Variants in SCN4A observed in about 807,000 individuals in gnomAD.
SCN4A encodes the protein sodium channel protein type 4 subunit alpha.
A neutral mutation model predicts 162.0 loss-of-function variants in SCN4A; 83 were observed. The ratio of observed to expected loss-of-function variants is 0.51; its 90% confidence interval spans 0.43 to 0.61. The LOEUF is 0.61. SCN4A is among the 20% of genes least tolerant of loss of function. SCN4A has a pLI of 0.00. For synonymous variants in SCN4A, 944 were observed against 985.1 expected (o/e 0.96, Z 0.78); for missense variants, 2,196 against 2,462.5 (o/e 0.89, Z 2.29).
At chr17:63,966,055 A>AG in intron 8 of SCN4A, 47 bp downstream of exon 8, 1 of 1,244,244 alleles carries the variant, frequency 8.0e-7, no homozygotes, top group Middle Eastern at 2.3e-4. Flanking sequence ...GCAGGGATGG[A>AG]GGGGGAGTGG....
rs576168635 is a variant in SCN4A, at chr17:63,941,226, C to T, written c.5056G>A (p.Glu1686Lys). 6.2e-7 allele frequency: 1 copy of T among 1,613,884 alleles called. No homozygotes were observed. Among genetic ancestry groups the T allele is most frequent in the African/African-American group, 1.3e-5 (1 of 74,978 alleles). ...ATTTCCCCAGAGTCACCCAGGACCT[C>T]TTTGGTCAGGGCAAAGAGGATGTCC... The part of the protein sequence containing the change: ...CLDILFALTK[E>K]VLGDSGEMDA... The change falls in exon 24 of 24, where the codon GAG becomes AAG. Residue 1686 changes from glutamate to lysine, a missense_variant. Glu to Lys is a moderately conservative substitution (Grantham distance 56). Transcript: ENST00000435607. This position sits in a 1 kb window ranked among gnomAD's most constrained non-coding sequence, Gnocchi z 6.2.
intron 10 of SCN4A, 163 bp from the exon 11 acceptor site, chr17:63,961,594 C>G: frequency 1.6e-6 from 1 of 613,136 alleles, no homozygotes; most frequent in Non-Finnish European, 2.9e-6. Context: ...CTTGCGTCAC[C>G]CTTACTGTCA....
In SCN4A at chr17:63,971,263, G is replaced by T; in HGVS notation, c.612-10C>A. 1 of 1,469,014 alleles carries T rather than the reference G, an allele frequency of 6.8e-7. No homozygotes were observed. The highest frequency in any genetic ancestry group is 9.3e-7 in the Non-Finnish European group (1 of 1,072,214). 91.0% of individuals were successfully genotyped at this position (1,469,014 alleles called of 1,614,324 possible). A position where few individuals can be genotyped will look rare whatever the true frequency, so the allele number is the denominator to read the frequency against. ...AAACTCTGTCAGGTACCTGGGTAGG[G>T]GGTGGAGGGGGGTGGGGACTGTCAG... On this transcript the variant is annotated splice_polypyrimidine_tract_variant and intron_variant, in intron 4 of 23. Coordinates refer to ENST00000435607, the MANE Select transcript of SCN4A (RefSeq NM_000334.4).
intron 13 of SCN4A, among the ~76,000 whole-genome samples, chr17:63,955,504 A>T (rs1379813958): frequency 6.6e-6 from 1 of 152,168 alleles, no homozygotes; most frequent in Non-Finnish European, 1.5e-5. Context: ...CGTTTTCCAG[A>T]TGGGAAAACT....
chr17:63,942,327 G>A (rs965143279), intron 23 of SCN4A, among the ~76,000 whole-genome samples: 2 of 152,102 alleles, frequency 1.3e-5, no homozygotes, highest in Non-Finnish European at 2.9e-5. Flanking sequence ...CAGAGAGAGA[G>A]GGAGACAGAA....
chr17:63,949,495 A>G lies in SCN4A; in HGVS notation c.2887T>C (p.Ser963Pro), dbSNP rs1567819939. The change falls in exon 15 of 24, where the codon TCC (serine) becomes CCC (proline). Residue 963 changes from serine (S) to proline (P), a missense_variant. By Grantham distance (74) the Ser-to-Pro change is moderately conservative. Coordinates refer to ENST00000435607, the MANE Select transcript of SCN4A (RefSeq NM_000334.4). The stretch of plus-strand genomic sequence containing the variant: ...TTGTAGTCAGCTGTGCTGCAGACGG[A>G]CGAGTTCCCATCATAGAGAGGCTGC... ...PPQPLYDGNS[S>P]VCSTADYKPP... The G allele has an allele frequency of 6.2e-7, 1 of 1,612,450 alleles. No individual in the cohort carries two copies.
chr17:63,963,784 C>T lies in SCN4A; in HGVS notation c.1494G>A (p.Gly498=), dbSNP rs1414162928. 1.2e-6 allele frequency: 2 copies of T among 1,607,116 alleles called. No homozygotes were observed. The highest frequency in any genetic ancestry group is 1.7e-4 in the Middle Eastern group (1 of 6,030). ...TGCAGTCTTTGCCATGGGCTGGGTC[C>T]CCATCTGCCTCCCCACCTTCCAGAG... ...AQALEGGEAD[G]DPAHGKDCNG... Residue 498 remains glycine (G), a synonymous_variant, in exon 10 of 24, where the codon GGG becomes GGA. Transcript: ENST00000435607.
intron 5 of SCN4A, 28 bp from the exon 6 acceptor site, chr17:63,968,383 G>T (rs1224729835): frequency 6.4e-7 from 1 of 1,557,084 alleles, no homozygotes; most frequent in Non-Finnish European, 8.7e-7. Flanking sequence ...AAGGATATTG[G>T]CAGGGGGCAG....
At position 63,940,989 on chromosome 17, in the gene SCN4A, C is replaced by T. The variant is rs531694454; in HGVS notation, c.5293G>A (p.Ala1765Thr). ...RHSHDGSGDD[A>T]PEKEGLLANT... ...GCAAGCAGCCCCTCCTTCTCAGGGGCGTCATCCCCGCTGCCGTCGTGGCTG... is the reference window on the plus strand; with the variant it reads ...GCAAGCAGCCCCTCCTTCTCAGGGGTGTCATCCCCGCTGCCGTCGTGGCTG... The change falls in exon 24 of 24, where the codon GCC (alanine) becomes ACC (threonine). Residue 1765 changes from alanine (A) to threonine (T), a missense_variant. By Grantham distance (58) the Ala-to-Thr change is moderately conservative. Coordinates refer to ENST00000435607, the MANE Select transcript of SCN4A (RefSeq NM_000334.4). 2.5e-4 allele frequency: 401 copies of T among 1,613,140 alleles called. 3 individuals carry two copies. The South Asian group carries it at 3.9e-3, about 16-fold the overall frequency.
chr17:63,965,557 C>T (rs7222271), intron 8 of SCN4A, among the ~76,000 whole-genome samples: 2,491 of 152,256 alleles, frequency 0.016, 65 homozygotes, highest in African/African-American at 0.057. Flanking sequence ...GGCGTGGTCT[C>T]GGCTCACTGC....
intron 8 of SCN4A, among the ~76,000 whole-genome samples, chr17:63,965,249 G>A (rs1178546747): frequency 6.6e-6 from 1 of 152,154 alleles, no homozygotes; most frequent in East Asian, 1.9e-4. Context: ...TCGCCATGCT[G>A]GCCAGGCTGG....
chr17:63,943,903 C>T, intron 21 of SCN4A, 53 bp from the exon 22 acceptor site: 1 of 1,166,932 alleles, frequency 8.6e-7, no homozygotes, highest in Non-Finnish European at 1.3e-6. Context: ...TTCCTGCCTC[C>T]AGGACCACCC....
intron 11 of SCN4A, among the ~76,000 whole-genome samples, chr17:63,959,703 T>C (rs930196405): frequency 6.6e-6 from 1 of 152,204 alleles, no homozygotes; most frequent in Admixed American, 6.5e-5. Flanking sequence ...GGCAAGGCAC[T>C]TCACTCCTTG....
chr17:63,944,916 CG>C lies in SCN4A; in HGVS notation c.3774+90del. The C allele has an allele frequency of 6.3e-7, 1 of 1,588,558 alleles. No homozygotes were observed. The highest frequency in any genetic ancestry group is 8.6e-7 in the Non-Finnish European group (1 of 1,162,962). On this transcript the variant is annotated intron_variant, in intron 20 of 23. Transcript: ENST00000435607. This position sits in a 1 kb window ranked among gnomAD's most constrained non-coding sequence, Gnocchi z 4.3. ...ATCCACCCCCAGGGCTGCCAAGTCT[CG>C]GGGACAGAACGTGCTGCCAAGTCTC...
At position 63,941,446 on chromosome 17, in the gene SCN4A, A is replaced by G. The variant is rs1393932690; in HGVS notation, c.4836T>C (p.Leu1612=). 6.2e-7 allele frequency: 1 copy of G among 1,613,932 alleles called. No homozygotes were observed. Among genetic ancestry groups the G allele is most frequent in the Non-Finnish European group, 8.5e-7 (1 of 1,180,002 alleles). Residue 1612 remains leucine, a synonymous_variant, in exon 24 of 24, where the codon CTT becomes CTC. Transcript: ENST00000435607. The surrounding 1 kb of genome is among the most constrained non-coding windows in gnomAD (Gnocchi z 6.2). ...AGAACATCTCAAAGTCATCTTCACC[A>G]AGGGGCTCGCTGCTCTCCTCTGTGG... ...NVATEESSEP[L]GEDDFEMFYE...
rs2144776125 is a variant in SCN4A, at chr17:63,942,860, G to A, written c.4254C>T (p.Ile1418=). 3 of 1,614,036 alleles carry A rather than the reference G, an allele frequency of 1.9e-6. No homozygotes were observed. The East Asian group carries it at 6.7e-5, about 36-fold the overall frequency. The change falls in exon 23 of 24, where the codon ATC becomes ATT. Residue 1418 remains isoleucine, a synonymous_variant. Coordinates refer to ENST00000435607, the MANE Select transcript of SCN4A (RefSeq NM_000334.4). ...ACAGGATGACGACCACGAAGTCAAA[G>A]ATGTTCCAGCCAACGGTGAAGTAGT... The part of the protein sequence containing the change: ...RQYYFTVGWN[I]FDFVVVILSI...
At position 63,941,997 on chromosome 17, in the gene SCN4A, C is replaced by T. The variant is rs750364111; in HGVS notation, c.4289-4G>A. On this transcript the variant is annotated splice_polypyrimidine_tract_variant and splice_region_variant and intron_variant, in intron 23 of 23. Coordinates refer to ENST00000435607, the MANE Select transcript of SCN4A (RefSeq NM_000334.4). The surrounding 1 kb of genome is among the most constrained non-coding windows in gnomAD (Gnocchi z 6.2). ...ATCAGGTCAGAGAGGGCAAGGCCTG[C>T]GGGGAGAAGCTAGTGAGGACGCTGC... The T allele has an allele frequency of 4.4e-5, 68 of 1,552,854 alleles. No individual in the cohort carries two copies. Among genetic ancestry groups the T allele is most frequent in the Middle Eastern group, 1.7e-4 (1 of 5,814 alleles).
rs191100217 is a variant in SCN4A at position 63,957,034 on chromosome 17, G to C, written c.2376+128C>G. 9.5e-6 allele frequency: 6 copies of C among 632,888 alleles called. No homozygotes were observed. The African/African-American group carries it at 1.1e-4, about 12-fold the overall frequency. The allele number at this position is 632,888 out of a possible 1,614,324, so 39.2% of individuals were successfully genotyped here. Reference sequence around the variant, plus strand: ...ACACAGGTTAAAATTTGAGAACTACGGGGTTAAACCACATAAAATTGCCAT... The same window carrying C: ...ACACAGGTTAAAATTTGAGAACTACCGGGTTAAACCACATAAAATTGCCAT... On this transcript the variant is annotated intron_variant, in intron 13 of 23. Transcript: ENST00000435607.
chr17:63,956,422 A>AT (rs1367153918), intron 13 of SCN4A, among the ~76,000 whole-genome samples: 3 of 151,636 alleles, frequency 2.0e-5, no homozygotes, highest in African/African-American at 7.3e-5. Flanking sequence ...TCATTTTTCC[A>AT]TTTTTTGTAG....
Sources: allele counts gnomAD v4.1 joint callset (sites outside exome capture counted in the v4.1 genomes callset), GRCh38; gene constraint gnomAD v4.1.1; non-coding constraint Gnocchi (gnomAD v3.1); transcripts MANE v1.5; gene names NCBI Gene and HGNC (gene_info 2026-07-23, HGNC 2026-07-21).